The following PARD3B variants were observed in gnomAD, a reference collection of about 807,000 sequenced individuals.
PARD3B encodes the protein partitioning defective 3 homolog B.
PARD3B carries 103 observed loss-of-function variants against 130.2 expected under a neutral mutation model. The observed-to-expected ratio is 0.79, with a 90% confidence interval of 0.67 to 0.93. The LOEUF (loss-of-function observed/expected upper bound fraction) is 0.93. PARD3B is among the 40% of genes least tolerant of loss of function. The pLI is 0.00. For synonymous variants in PARD3B, 583 were observed against 553.2 expected (o/e 1.05, Z -0.76); for missense variants, 1,609 against 1,499.2 (o/e 1.07, Z -1.21).
Position 205,352,127 on chromosome 2 carries a change from G to A in PARD3B, c.2631-48886G>A, listed in dbSNP as rs748044320. The stretch of plus-strand genomic sequence containing the variant: ...TTGGATTTTCTATGTGTATAAAGAC[G>A]GTATTTGTCATTGAGCTTAGTGCTT... On this transcript the variant is annotated intron_variant, in intron 18 of 22. Transcript: ENST00000406610. This position sits in a 1 kb window ranked among gnomAD's most constrained non-coding sequence, Gnocchi z 5.2. Among the ~76,000 whole-genome samples the A allele has an allele frequency of 2.6e-5, 4 of 152,092 alleles. No homozygotes were observed. The highest frequency in any genetic ancestry group is 5.9e-5 in the Non-Finnish European group (4 of 68,022).
rs543290508 is a variant in PARD3B, at chr2:204,822,997, T to C, written c.222+136715T>C. On this transcript the variant is annotated intron_variant, in intron 2 of 22. Coordinates refer to ENST00000406610, the MANE Select transcript of PARD3B (RefSeq NM_001302769.2). ...AATGGCACTAATCAGGTTTGAAAGT[T>C]TGGGGGACACTTCAAGTTGCTCATC... Among the ~76,000 whole-genome samples, 6 of 152,266 alleles carry C rather than the reference T, an allele frequency of 3.9e-5. No individual in the cohort carries two copies. The South Asian group carries it at 8.3e-4, about 21-fold the overall frequency.
At chr2:204,719,834 A>G (rs1314856377) in intron 2 of PARD3B, among the ~76,000 whole-genome samples, 1 of 152,224 alleles carries the variant, frequency 6.6e-6, no homozygotes, top group African/African-American at 2.4e-5. Flanking sequence ...ATAAATAATC[A>G]TTTGAAACTT....
chr2:204,563,600 A>G (rs1441084888), intron 1 of PARD3B, among the ~76,000 whole-genome samples: 1 of 152,132 alleles, frequency 6.6e-6, no homozygotes, highest in African/African-American at 2.4e-5. Context: ...ACATATAATA[A>G]TCATTCTGTA....
chr2:205,035,890 A>C (rs1330314762), intron 3 of PARD3B, among the ~76,000 whole-genome samples: 1 of 134,516 alleles, frequency 7.4e-6, no homozygotes, highest in African/African-American at 2.8e-5. Flanking sequence ...TAATATATAT[A>C]ATGGGCTATA....
At chr2:205,069,481 G>T (rs911106879) in intron 4 of PARD3B, among the ~76,000 whole-genome samples, 1 of 152,020 alleles carries the variant, frequency 6.6e-6, no homozygotes, top group Non-Finnish European at 1.5e-5. Context: ...CCATTGAAGT[G>T]ACAGGTTTTC....
intron 1 of PARD3B, among the ~76,000 whole-genome samples, chr2:204,625,263 C>T (rs1282362872): frequency 6.6e-6 from 1 of 152,110 alleles, no homozygotes; most frequent in East Asian, 1.9e-4. Context: ...TGGTGCCATG[C>T]CTGCATGCCC....
rs139267413 is a variant in PARD3B at position 205,026,528 on chromosome 2, G to T, written c.395-21053G>T. On this transcript the variant is annotated intron_variant, in intron 3 of 22. Transcript: ENST00000406610. The stretch of plus-strand genomic sequence containing the variant: ...ATCCTTAGTTACCATTTGTGCATGT[G>T]TCTATATGGTGAGGGCACTTAAAAA... Among the ~76,000 whole-genome samples the T allele has an allele frequency of 3.6e-3, 555 of 152,182 alleles. 1 individual carries two copies. Among genetic ancestry groups the T allele is most frequent in the Non-Finnish European group, 5.4e-3 (370 of 68,014 alleles).
intron 2 of PARD3B, among the ~76,000 whole-genome samples, chr2:204,893,352 T>C (rs2046518480): frequency 6.6e-6 from 1 of 152,130 alleles, no homozygotes; most frequent in Non-Finnish European, 1.5e-5. Context: ...TGTTATGCTT[T>C]AAAGTTTAAC....
chr2:204,611,687 C>T (rs1219012326), intron 1 of PARD3B, among the ~76,000 whole-genome samples: 2 of 152,030 alleles, frequency 1.3e-5, no homozygotes, highest in Non-Finnish European at 1.5e-5. Context: ...GTCCCATATT[C>T]TTAATGTTCT....
chr2:204,823,797 A>G (rs539738740), intron 2 of PARD3B, among the ~76,000 whole-genome samples: 1 of 152,036 alleles, frequency 6.6e-6, no homozygotes, highest in African/African-American at 2.4e-5. Flanking sequence ...AAAATTATTC[A>G]GGCATGGTGG....
At chr2:204,753,744 A>G (rs1280672029) in intron 2 of PARD3B, among the ~76,000 whole-genome samples, 1 of 152,096 alleles carries the variant, frequency 6.6e-6, no homozygotes, top group African/African-American at 2.4e-5. Context: ...GCACACAATG[A>G]AATACTTTAT....
intron 16 of PARD3B, among the ~76,000 whole-genome samples, chr2:205,272,222 G>A (rs2040758498): frequency 6.6e-6 from 1 of 151,166 alleles, no homozygotes; most frequent in African/African-American, 2.4e-5. Flanking sequence ...TAACAAGATT[G>A]ATACCAATAA....
In PARD3B at chr2:204,906,551, T is replaced by C. The variant is rs1305793680; in HGVS notation, c.223-58601T>C. Among the ~76,000 whole-genome samples the C allele has an allele frequency of 6.6e-6, 1 of 152,222 alleles. No individual in the cohort carries two copies. Among genetic ancestry groups the C allele is most frequent in the African/African-American group, 2.4e-5 (1 of 41,456 alleles). ...TGTTATTGTTAATCATTTCTTTTGC[T>C]CAGTGTGGTATCCAAGCTATAATTT... On this transcript the variant is annotated intron_variant, in intron 2 of 22. Coordinates refer to ENST00000406610, the MANE Select transcript of PARD3B (RefSeq NM_001302769.2). The surrounding 1 kb of genome is among the most constrained non-coding windows in gnomAD (Gnocchi z 4.3).
chr2:204,888,517 A>G (rs2046337325), intron 2 of PARD3B, among the ~76,000 whole-genome samples: 1 of 152,100 alleles, frequency 6.6e-6, no homozygotes, highest in Admixed American at 6.5e-5. Context: ...AGATCTCTTG[A>G]GCTCAGGAAT....
chr2:204,573,251 A>T (rs183029788), intron 1 of PARD3B, among the ~76,000 whole-genome samples: 5 of 152,202 alleles, frequency 3.3e-5, no homozygotes, highest in Non-Finnish European at 7.3e-5. Context: ...TTCACTCTTG[A>T]TATCTTTTCC....
At chr2:205,489,498 T>TGTATATATATACGTATATATACAC (rs758881547) in intron 20 of PARD3B, among the ~76,000 whole-genome samples, 3 of 55,754 alleles carry the variant, frequency 5.4e-5, no homozygotes, top group South Asian at 6.7e-4. Context: ...TATATGTGTG[T>TGTATATATATACGTATATATACAC]ATATATATAT....
chr2:204,724,875 G>A (rs887665398), intron 2 of PARD3B, among the ~76,000 whole-genome samples: 6 of 152,056 alleles, frequency 3.9e-5, no homozygotes, highest in Non-Finnish European at 8.8e-5. Context: ...GGATGGCTGT[G>A]GGTTAGCATG....
intron 18 of PARD3B, among the ~76,000 whole-genome samples, chr2:205,350,016 G>T (rs531590851): frequency 1.3e-5 from 2 of 152,204 alleles, no homozygotes; most frequent in East Asian, 3.9e-4. Context: ...CCTCTGGTTT[G>T]TGGGGTTCAT....
Position 204,764,607 on chromosome 2 carries a change from A to G in PARD3B, c.222+78325A>G, listed in dbSNP as rs187951806. On this transcript the variant is annotated intron_variant, in intron 2 of 22. Transcript: ENST00000406610. Reference sequence around the variant, plus strand: ...AAGATTGAAAGAAAACAAACTTTGAATAAATAGATGCACACACCATGTAAC... The same window carrying G: ...AAGATTGAAAGAAAACAAACTTTGAGTAAATAGATGCACACACCATGTAAC... Among the ~76,000 whole-genome samples, 3 of 152,230 alleles carry G rather than the reference A, an allele frequency of 2.0e-5. No homozygotes were observed. In the East Asian group the frequency reaches 5.8e-4, roughly 29 times the overall value.
Sources: allele counts gnomAD v4.1 joint callset (sites outside exome capture counted in the v4.1 genomes callset), GRCh38; gene constraint gnomAD v4.1.1; non-coding constraint Gnocchi (gnomAD v3.1); transcripts MANE v1.5; gene names NCBI Gene and HGNC (gene_info 2026-07-23, HGNC 2026-07-21).